FAM163B: variants seen among roughly 807,000 people sequenced by gnomAD.
The protein encoded by FAM163B is family with sequence similarity 163 member B, also known as protein FAM163B.
FAM163B carries 4 observed loss-of-function variants against 7.6 expected under a neutral mutation model. The observed-to-expected ratio is 0.52, with a 90% CI of 0.26 to 1.20. The LOEUF (loss-of-function observed/expected upper bound fraction) is 1.20, where lower values mean the gene tolerates loss of function less well. FAM163B is among the 50% of genes most tolerant of loss of function. The pLI, the probability that FAM163B is intolerant of heterozygous loss-of-function variation, is 0.14. For synonymous variants in FAM163B, 120 were observed against 111.6 expected (o/e 1.07, Z -0.47); for missense variants, 250 against 243.0 (o/e 1.03, Z -0.19).
In FAM163B at chr9:133,584,677, G is replaced by A. The variant is rs1831406468; in HGVS notation, c.-23-4431C>T. Among the ~76,000 whole-genome samples the A allele has an allele frequency of 2.6e-5, 4 of 152,228 alleles. No individual in the cohort carries two copies. The East Asian group carries it at 5.8e-4, about 22-fold the overall frequency. Reference sequence around the variant, plus strand: ...CTGCTCAGGGTGGTAACGGATGGGGGAGGAACCGAGGGAAACTTCCTGGAG... The same window carrying A: ...CTGCTCAGGGTGGTAACGGATGGGGAAGGAACCGAGGGAAACTTCCTGGAG... On this transcript the variant is annotated intron_variant, in intron 1 of 2. Transcript: ENST00000673969.
chr9:133,583,725 C>T (rs1831389889), intron 1 of FAM163B, among the ~76,000 whole-genome samples: 3 of 152,222 alleles, frequency 2.0e-5, no homozygotes, highest in East Asian at 1.9e-4. Flanking sequence ...AGCCTGGCGG[C>T]GTGACGGGAA....
At chr9:133,595,929 T>G (rs1296417646) in intron 1 of FAM163B, among the ~76,000 whole-genome samples, 5 of 152,216 alleles carry the variant, frequency 3.3e-5, no homozygotes. Context: ...CTGGTGACTC[T>G]CAGCCGAATG....
chr9:133,604,557 T>C (rs2131264565), intron 1 of FAM163B, among the ~76,000 whole-genome samples: 1 of 152,296 alleles, frequency 6.6e-6, no homozygotes, highest in East Asian at 1.9e-4. Context: ...GTATTTCTTT[T>C]ATTCAAACAC....
chr9:133,601,019 AC>A lies in FAM163B; in HGVS notation c.-24+8057del, dbSNP rs1831722698. Reference sequence around the variant, plus strand: ...TCTCTCCCAAGTACCAGCCATGAGGACCCCTGGGAGGGCCCTACCCGCCTGC... The same window carrying A: ...TCTCTCCCAAGTACCAGCCATGAGGACCCTGGGAGGGCCCTACCCGCCTGC... On this transcript the variant is annotated intron_variant, in intron 1 of 2. Transcript: ENST00000673969. This position sits in a 1 kb window ranked among gnomAD's most constrained non-coding sequence, Gnocchi z 4.1. 6.6e-6 allele frequency among the ~76,000 whole-genome samples: 1 copy of A among 151,830 alleles called. No homozygotes were observed. Among genetic ancestry groups the A allele is most frequent in the Non-Finnish European group, 1.5e-5 (1 of 67,918 alleles).
intron 1 of FAM163B, among the ~76,000 whole-genome samples, chr9:133,582,287 T>C (rs1831367844): frequency 6.6e-6 from 1 of 152,228 alleles, no homozygotes; most frequent in Admixed American, 6.5e-5. Flanking sequence ...ACGTGGAAAC[T>C]TGCCCAGTGC....
In FAM163B at chr9:133,577,305, G is replaced by A. The variant is rs902997016; in HGVS notation, c.*1717C>T. On this transcript the variant is annotated 3_prime_UTR_variant, in exon 3 of 3. Coordinates refer to ENST00000673969, the MANE Select transcript of FAM163B (RefSeq NM_001080515.3). Reference sequence around the variant, plus strand: ...CACCCAGCCCACCCCCCACGCCAACGCATCAGAAACAGACTTCACAGGATG... The same window carrying A: ...CACCCAGCCCACCCCCCACGCCAACACATCAGAAACAGACTTCACAGGATG... Among the ~76,000 whole-genome samples the A allele has an allele frequency of 2.0e-4, 24 of 121,096 alleles. No individual in the cohort carries two copies. Among genetic ancestry groups the A allele is most frequent in the Non-Finnish European group, 3.3e-4 (20 of 61,358 alleles). 79.4% of individuals were successfully genotyped at this position (121,096 alleles called of 152,430 possible).
Position 133,600,392 on chromosome 9 carries a change from C to T in FAM163B, c.-24+8685G>A, listed in dbSNP as rs918710748. Among the ~76,000 whole-genome samples, 6 of 152,096 alleles carry T rather than the reference C, an allele frequency of 3.9e-5. No individual in the cohort carries two copies. The highest frequency in any genetic ancestry group is 6.5e-5 in the Admixed American group (1 of 15,274). ...GAGACTGGCTGGCCCACACGGCAGC[C>T]GGGGCAGGGGCGTGTGCCACAGTAC... On this transcript the variant is annotated intron_variant, in intron 1 of 2. Transcript: ENST00000673969. This position sits in a 1 kb window ranked among gnomAD's most constrained non-coding sequence, Gnocchi z 4.9.
At position 133,609,324 on chromosome 9, in the gene FAM163B, C is replaced by G. The variant is rs889073702; in HGVS notation, c.-271G>C. ...CGCGCTGCGGCCGCGACTCCGGACG[C>G]CCCGGCTGGCTCCCTGCGAGCTGCA... On this transcript the variant is annotated 5_prime_UTR_variant, in exon 1 of 3. Coordinates refer to ENST00000673969, the MANE Select transcript of FAM163B (RefSeq NM_001080515.3). 1.5e-4 allele frequency among the ~76,000 whole-genome samples: 23 copies of G among 149,654 alleles called. No homozygotes were observed. The highest frequency in any genetic ancestry group is 5.1e-4 in the African/African-American group (21 of 41,176).
intron 1 of FAM163B, among the ~76,000 whole-genome samples, chr9:133,589,938 T>C (rs1430881705): frequency 6.6e-6 from 1 of 151,970 alleles, no homozygotes; most frequent in Non-Finnish European, 1.5e-5. Context: ...CCCGGGCAAG[T>C]CCCAGCTCAG....
intron 1 of FAM163B, among the ~76,000 whole-genome samples, chr9:133,585,355 C>T (rs961709438): frequency 4.6e-5 from 7 of 152,248 alleles, no homozygotes; most frequent in Non-Finnish European, 8.8e-5. Context: ...GGCCACACGT[C>T]CCGTGCTGAA....
chr9:133,579,772 G>A (rs986211366), intron 2 of FAM163B, among the ~76,000 whole-genome samples: 7 of 152,188 alleles, frequency 4.6e-5, no homozygotes, highest in Non-Finnish European at 8.8e-5. Context: ...GTGTTGCCTC[G>A]CCCTGCCCCG....
chr9:133,603,260 C>G (rs1422618580), intron 1 of FAM163B, among the ~76,000 whole-genome samples: 1 of 152,226 alleles, frequency 6.6e-6, no homozygotes, highest in East Asian at 1.9e-4. Context: ...GGCGCCTCCT[C>G]CCCTACTGCT....
chr9:133,579,013 G>C lies in FAM163B; in HGVS notation c.*9C>G. The C allele has an allele frequency of 1.3e-6, 2 of 1,497,372 alleles. No homozygotes were observed. Among genetic ancestry groups the C allele is most frequent in the South Asian group, 1.3e-5 (1 of 77,108 alleles). 92.8% of individuals were successfully genotyped at this position (1,497,372 alleles called of 1,614,324 possible). The stretch of plus-strand genomic sequence containing the variant: ...CCTTCAAGGCCAGGATCCCGGGGGC[G>C]GGCCCAGGTCACACGTCGGTGCTGA... On this transcript the variant is annotated 3_prime_UTR_variant, in exon 3 of 3. Coordinates refer to ENST00000673969, the MANE Select transcript of FAM163B (RefSeq NM_001080515.3).
At chr9:133,595,689 G>T (rs1831621972) in intron 1 of FAM163B, among the ~76,000 whole-genome samples, 1 of 152,086 alleles carries the variant, frequency 6.6e-6, no homozygotes, top group South Asian at 2.1e-4. Context: ...CCTTCCCACA[G>T]TGGCTTCCCC....
chr9:133,599,957 G>A (rs975449777), intron 1 of FAM163B, among the ~76,000 whole-genome samples: 6 of 112,714 alleles, frequency 5.3e-5, no homozygotes, highest in Admixed American at 9.0e-5. Context: ...ATGTGTGTGC[G>A]TGTGTGCATG....
chr9:133,592,401 G>A (rs999582715), intron 1 of FAM163B, among the ~76,000 whole-genome samples: 4 of 152,224 alleles, frequency 2.6e-5, no homozygotes, highest in African/African-American at 4.8e-5. Context: ...GGCCTGAGAG[G>A]GAGGCCGAGG....
intron 1 of FAM163B, among the ~76,000 whole-genome samples, chr9:133,607,877 C>A (rs1831808847): frequency 6.6e-6 from 1 of 152,166 alleles, no homozygotes; most frequent in Admixed American, 6.5e-5. Flanking sequence ...GTCAGTGCAC[C>A]AAGAGTTAAA....
intron 1 of FAM163B, among the ~76,000 whole-genome samples, chr9:133,588,663 C>CTGCAGGATCTAGCTTTT (rs1831486384): frequency 1.4e-4 from 1 of 7,174 alleles, no homozygotes; most frequent in Non-Finnish European, 3.0e-4. Context: ...ATCTAGCATG[C>CTGCAGGATCTAGCTTTT]TGAGGGATCT....
intron 2 of FAM163B, 40 bp downstream of exon 2, chr9:133,580,091 G>C: frequency 6.4e-7 from 1 of 1,568,334 alleles, no homozygotes; most frequent in Non-Finnish European, 8.7e-7. Flanking sequence ...CACCCTCTGG[G>C]CCTCCCTGCC....
Sources: gnomAD v4.1 joint callset for allele counts (sites outside exome capture counted in the v4.1 genomes callset) on GRCh38, gnomAD v4.1.1 for gene constraint, Gnocchi (gnomAD v3.1) non-coding constraint, MANE v1.5 for transcripts, NCBI Gene and HGNC (gene_info 2026-07-23, HGNC 2026-07-21) for gene names.